The following MEF2A variants were observed in gnomAD, a reference collection of about 807,000 sequenced individuals.
The protein encoded by MEF2A is myocyte-specific enhancer factor 2A.
Under a neutral mutation model 55.8 loss-of-function variants are expected in MEF2A, and 28 were observed. The ratio of observed to expected loss-of-function variants is 0.50; its 90% CI spans 0.37 to 0.69. The LOEUF is 0.69. Ranked by LOEUF, MEF2A falls within the 30% of genes least tolerant of loss-of-function variation. The pLI, the probability that MEF2A is intolerant of heterozygous loss-of-function variation, is 0.00. For missense variants in MEF2A, 528 were observed against 626.2 expected (o/e 0.84, Z 1.67); for synonymous variants, 239 against 227.1 (o/e 1.05, Z -0.47).
At chr15:99,675,354 C>T (rs754367289) in intron 6 of MEF2A, 45 bp from the exon 7 acceptor site, 1 of 1,507,624 alleles carries the variant, frequency 6.6e-7, no homozygotes, top group African/African-American at 1.4e-5. Context: ...AGAGCTAATT[C>T]ATATTCATTC....
Position 99,715,236 on chromosome 15 carries a change from A to G in MEF2A, c.*2465A>G, listed in dbSNP as rs932300106. On this transcript the variant is annotated 3_prime_UTR_variant, in exon 12 of 12. Coordinates refer to ENST00000557942, the MANE Select transcript of MEF2A (RefSeq NM_001319206.4). ...TTAAGTGATTCCTTCGTTATTATTT[A>G]TGCATGTTCATGAACTTCTGCTGTA... 1 of 152,198 alleles carries G rather than the reference A, an allele frequency of 6.6e-6. No homozygotes were observed. Among genetic ancestry groups the G allele is most frequent in the Non-Finnish European group, 1.5e-5 (1 of 68,042 alleles). The allele number at this position is 152,198 out of a possible 1,614,324, so 9.4% of individuals were successfully genotyped here.
At chr15:99,585,551 T>C (rs2581466) in intron 1 of MEF2A, among the ~76,000 whole-genome samples, 33,171 of 152,198 alleles carry the variant, frequency 0.22, 4,255 homozygotes, top group South Asian at 0.33. Flanking sequence ...TGGCTTTTAC[T>C]GTAATATTTG....
intron 1 of MEF2A, among the ~76,000 whole-genome samples, chr15:99,592,198 C>T (rs773583724): frequency 1.7e-4 from 26 of 152,186 alleles, no homozygotes; most frequent in South Asian, 1.7e-3. Flanking sequence ...GGTTAGCACG[C>T]GGCGGTGCTG....
intron 1 of MEF2A, among the ~76,000 whole-genome samples, chr15:99,577,862 A>G (rs1259952622): frequency 6.6e-6 from 1 of 152,080 alleles, no homozygotes; most frequent in African/African-American, 2.4e-5. Context: ...GGTTTCTCTG[A>G]TGCTTTCTTA....
At chr15:99,611,419 A>G (rs924357231) in intron 2 of MEF2A, among the ~76,000 whole-genome samples, 16 of 152,346 alleles carry the variant, frequency 1.1e-4, no homozygotes, top group African/African-American at 3.6e-4. Flanking sequence ...AGGCACATGA[A>G]AAGATGCTTA....
intron 8 of MEF2A, among the ~76,000 whole-genome samples, chr15:99,690,852 C>A (rs1475079100): frequency 6.6e-6 from 1 of 152,058 alleles, no homozygotes; most frequent in South Asian, 2.1e-4. Flanking sequence ...TAAAAACATA[C>A]ACTTAGATAC....
At position 99,715,270 on chromosome 15, in the gene MEF2A, T is replaced by C. The variant is rs796537693; in HGVS notation, c.*2499T>C. Reference sequence around the variant, plus strand: ...CATGAACTTCTGCTGTACATTGGAATAGGAGTTAACACATTCACATTTACT... The same window carrying C: ...CATGAACTTCTGCTGTACATTGGAACAGGAGTTAACACATTCACATTTACT... On this transcript the variant is annotated 3_prime_UTR_variant, in exon 12 of 12. Coordinates refer to ENST00000557942, the MANE Select transcript of MEF2A (RefSeq NM_001319206.4). The C allele has an allele frequency of 8.5e-5, 13 of 152,358 alleles. No homozygotes were observed. Among genetic ancestry groups the C allele is most frequent in the Middle Eastern group, 3.4e-3 (1 of 294 alleles). The allele number at this position is 152,358 out of a possible 1,614,324, so 9.4% of individuals were successfully genotyped here.
chr15:99,573,006 C>T (rs1048562285), intron 1 of MEF2A, among the ~76,000 whole-genome samples: 6 of 152,108 alleles, frequency 3.9e-5, no homozygotes, highest in Middle Eastern at 3.2e-3. Flanking sequence ...TTGTCCTAAT[C>T]GGCCGGGCGC....
At chr15:99,576,416 A>C (rs1301804835) in intron 1 of MEF2A, among the ~76,000 whole-genome samples, 1 of 152,108 alleles carries the variant, frequency 6.6e-6, no homozygotes, top group Non-Finnish European at 1.5e-5. Context: ...GAGTATGTTC[A>C]TAGTGTCTTG....
chr15:99,578,525 C>G (rs1965001487), intron 1 of MEF2A, among the ~76,000 whole-genome samples: 1 of 152,210 alleles, frequency 6.6e-6, no homozygotes, highest in African/African-American at 2.4e-5. Context: ...CCACAAAGCC[C>G]TGGCTCCTTG....
rs561813221 is a variant in MEF2A, at chr15:99,567,028, A to G, written c.-225+924A>G. On this transcript the variant is annotated intron_variant, in intron 1 of 11. Transcript: ENST00000557942. ...TGAGATAGTGCAAACAAGTTTGGAAAAGGTGAGCAATCCTGAATAAGAAAA... is the reference window on the plus strand; with the variant it reads ...TGAGATAGTGCAAACAAGTTTGGAAGAGGTGAGCAATCCTGAATAAGAAAA... Among the ~76,000 whole-genome samples the G allele has an allele frequency of 9.8e-5, 15 of 152,388 alleles. No homozygotes were observed. In the South Asian group the frequency reaches 3.1e-3, roughly 32 times the overall value.
intron 7 of MEF2A, chr15:99,678,828 G>T (rs2052634812): frequency 3.6e-6 from 1 of 276,740 alleles, no homozygotes; most frequent in African/African-American, 2.3e-5. Context: ...GAGTAAAAAG[G>T]CAAGACAGAA....
chr15:99,619,079 G>T (rs555904391), intron 2 of MEF2A, among the ~76,000 whole-genome samples: 1 of 152,316 alleles, frequency 6.6e-6, no homozygotes, highest in South Asian at 2.1e-4. Flanking sequence ...AAGGGGGAAG[G>T]AGGGAAAGAA....
intron 1 of MEF2A, among the ~76,000 whole-genome samples, chr15:99,586,701 T>A (rs1009147931): frequency 1.3e-5 from 2 of 152,136 alleles, no homozygotes; most frequent in African/African-American, 4.8e-5. Context: ...GATACCTGCT[T>A]TTTTGGTGTC....
chr15:99,709,011 T>C (rs1293165053), intron 10 of MEF2A, among the ~76,000 whole-genome samples: 2 of 152,182 alleles, frequency 1.3e-5, no homozygotes, highest in East Asian at 1.9e-4. Flanking sequence ...TAAAAAACTT[T>C]TGAAGTAGAG....
intron 4 of MEF2A, among the ~76,000 whole-genome samples, chr15:99,655,624 C>T (rs149499765): frequency 5.9e-5 from 9 of 152,026 alleles, no homozygotes; most frequent in East Asian, 1.9e-4. Context: ...ACTTATTACT[C>T]ATGATAGGCT....
At chr15:99,702,689 TCTTTACA>T (rs2057559114) in intron 8 of MEF2A, among the ~76,000 whole-genome samples, 1 of 152,168 alleles carries the variant, frequency 6.6e-6, no homozygotes, top group Non-Finnish European at 1.5e-5. Flanking sequence ...TTATTTCTTT[TCTTTACA>T]TGACTTATGA....
intron 4 of MEF2A, among the ~76,000 whole-genome samples, chr15:99,654,907 G>A (rs1197622320): frequency 6.6e-6 from 1 of 152,088 alleles, no homozygotes; most frequent in African/African-American, 2.4e-5. Context: ...ACCACATGTG[G>A]CGATTGGTTA....
intron 1 of MEF2A, among the ~76,000 whole-genome samples, chr15:99,592,559 C>T (rs570516791): frequency 9.9e-5 from 15 of 152,256 alleles, no homozygotes; most frequent in African/African-American, 3.4e-4. Context: ...CTTATTTTGA[C>T]TCATAGTTCT....
Sources: gnomAD v4.1 joint callset for allele counts (sites outside exome capture counted in the v4.1 genomes callset) on GRCh38, gnomAD v4.1.1 for gene constraint, MANE v1.5 for transcripts, NCBI Gene and HGNC (gene_info 2026-07-23, HGNC 2026-07-21) for gene names.